Variants in GAREM1 observed in about 807,000 individuals in gnomAD.
The protein encoded by GAREM1 is GRB2-associated and regulator of MAPK protein 1.
GAREM1 carries 26 observed loss-of-function variants against 71.3 expected under a neutral mutation model. The observed-to-expected ratio is 0.36, with a 90% CI of 0.27 to 0.51. The LOEUF (loss-of-function observed/expected upper bound fraction) is 0.51, where lower values mean the gene tolerates loss of function less well. Among genes scored for constraint, GAREM1 ranks in the 20% least tolerant of loss-of-function variants. The probability of loss-of-function intolerance (pLI) is 0.95; values close to 1 mark genes in which losing one functional copy is unlikely to be tolerated. For missense variants in GAREM1, 1,026 were observed against 1,103.1 expected, an observed-to-expected ratio of 0.93 and a Z score of 0.99; for synonymous variants, 440 against 433.2, an observed-to-expected ratio of 1.02 and a Z score of -0.20.
intron 2 of GAREM1, among the ~76,000 whole-genome samples, chr18:32,386,163 C>T (rs1328782239): frequency 6.6e-6 from 1 of 152,172 alleles, no homozygotes; most frequent in East Asian, 1.9e-4. Flanking sequence ...AGGGAAAGTA[C>T]ACAAAGTGTT....
intron 2 of GAREM1, among the ~76,000 whole-genome samples, chr18:32,367,789 G>GGA: frequency 6.6e-6 from 1 of 152,114 alleles, no homozygotes; most frequent in Non-Finnish European, 1.5e-5. Context: ...AGGAGGAGAA[G>GGA]CCAAGCACCT....
intron 3 of GAREM1, among the ~76,000 whole-genome samples, chr18:32,307,992 A>T (rs2047272753): frequency 6.6e-6 from 1 of 152,156 alleles, no homozygotes; most frequent in Non-Finnish European, 1.5e-5. Context: ...AAATTTCCTG[A>T]GGTTCCTATA....
At chr18:32,441,952 G>A (rs2048742275) in intron 1 of GAREM1, among the ~76,000 whole-genome samples, 1 of 151,886 alleles carries the variant, frequency 6.6e-6, no homozygotes, top group Admixed American at 6.6e-5. Context: ...CCGTGCAGCT[G>A]AAAGCTGCTT....
chr18:32,309,615 C>CAAAA (rs11370938), intron 3 of GAREM1, among the ~76,000 whole-genome samples: 364 of 13,840 alleles, frequency 0.026, 40 homozygotes, highest in African/African-American at 0.031. Flanking sequence ...GACTCAGTCT[C>CAAAA]AAAAAAAAAA....
chr18:32,335,916 G>C (rs2047587274), intron 2 of GAREM1, among the ~76,000 whole-genome samples: 2 of 152,184 alleles, frequency 1.3e-5, no homozygotes, highest in Non-Finnish European at 2.9e-5. Flanking sequence ...GGTGGGCTGT[G>C]GAAGAGCAGA....
chr18:32,325,131 G>T (rs1280881519), intron 2 of GAREM1, among the ~76,000 whole-genome samples: 1 of 152,114 alleles, frequency 6.6e-6, no homozygotes, highest in East Asian at 1.9e-4. Context: ...GCTAATTTTT[G>T]TATTTTTAGT....
chr18:32,308,526 A>C (rs1196937258), intron 3 of GAREM1, among the ~76,000 whole-genome samples: 2 of 149,576 alleles, frequency 1.3e-5, no homozygotes, highest in Admixed American at 6.6e-5. Context: ...TCTAAAAAAA[A>C]CTTATTTTTT....
intron 1 of GAREM1, among the ~76,000 whole-genome samples, chr18:32,447,374 G>A (rs12604457): frequency 0.15 from 22,452 of 151,820 alleles, 2,022 homozygotes; most frequent in East Asian, 0.4. Flanking sequence ...TTTTACTTTC[G>A]CATATTTAAA....
chr18:32,368,350 C>T (rs934524075), intron 2 of GAREM1, among the ~76,000 whole-genome samples: 2 of 152,164 alleles, frequency 1.3e-5, no homozygotes, highest in African/African-American at 4.8e-5. Flanking sequence ...AATGAGGAGC[C>T]ATTGATCAGC....
At position 32,304,316 on chromosome 18, in the gene GAREM1, T is replaced by A. The variant is rs905122656; in HGVS notation, c.393+5877A>T. ...AGCGAGACTCTGTCTCAAAAAAAAA[T>A]AAAATAACATAAAATAAAAAATAAA... On this transcript the variant is annotated intron_variant, in intron 3 of 5. Coordinates refer to ENST00000269209, the MANE Select transcript of GAREM1 (RefSeq NM_001242409.2). Among the ~76,000 whole-genome samples, 8 of 151,326 alleles carry A rather than the reference T, an allele frequency of 5.3e-5. No homozygotes were observed. In the East Asian group the frequency reaches 5.8e-4, roughly 11 times the overall value.
chr18:32,354,721 A>G (rs182532208), intron 2 of GAREM1, among the ~76,000 whole-genome samples: 1 of 152,312 alleles, frequency 6.6e-6, no homozygotes, highest in Admixed American at 6.5e-5. Flanking sequence ...GAGGTCATGA[A>G]GCAGAGCAGT....
intron 1 of GAREM1, among the ~76,000 whole-genome samples, chr18:32,451,578 T>G (rs77332870): frequency 0.015 from 2,233 of 152,266 alleles, 46 homozygotes; most frequent in Non-Finnish European, 0.016. Flanking sequence ...TTATAATATT[T>G]CCCACTCACC....
intron 2 of GAREM1, among the ~76,000 whole-genome samples, chr18:32,337,489 C>T (rs975208079): frequency 3.8e-4 from 58 of 152,310 alleles, no homozygotes; most frequent in Admixed American, 1.3e-3. Context: ...CGCTATTACC[C>T]GGCTTATCCA....
Position 32,267,855 on chromosome 18 carries a change from G to C in GAREM1, c.*16C>G, listed in dbSNP as rs773944712. The C allele has an allele frequency of 2.5e-6, 4 of 1,597,038 alleles. No homozygotes were observed. Among genetic ancestry groups the C allele is most frequent in the African/African-American group, 1.3e-5 (1 of 74,710 alleles). On this transcript the variant is annotated 3_prime_UTR_variant, in exon 6 of 6. Transcript: ENST00000269209. ...CATTGATCAGTTTTGTTCCATGCTG[G>C]CCGGGGGTTATTTGGCTATATTTTG... is the stretch of plus-strand genomic sequence containing the variant.
At chr18:32,385,488 C>T (rs955855533) in intron 2 of GAREM1, among the ~76,000 whole-genome samples, 2 of 152,088 alleles carry the variant, frequency 1.3e-5, no homozygotes, top group African/African-American at 4.8e-5. Flanking sequence ...AGGGGCTCCC[C>T]TGGAATCTCT....
chr18:32,264,410 T>C lies in GAREM1; in HGVS notation c.*3461A>G, dbSNP rs970645170. The C allele has an allele frequency of 6.6e-6, 1 of 152,212 alleles. No individual in the cohort carries two copies. Among genetic ancestry groups the C allele is most frequent in the Non-Finnish European group, 1.5e-5 (1 of 68,038 alleles). 9.4% of individuals were successfully genotyped at this position (152,212 alleles called of 1,614,324 possible). A position where few individuals can be genotyped will look rare whatever the true frequency, so the allele number is the denominator to read the frequency against. ...TGAGTAGTGACTTATACAAAGTGTT[T>C]AGAAAATGAAGGACCCTCCATCCTT... is the stretch of plus-strand genomic sequence containing the variant. On this transcript the variant is annotated 3_prime_UTR_variant, in exon 6 of 6. Coordinates refer to ENST00000269209, the MANE Select transcript of GAREM1 (RefSeq NM_001242409.2).
In GAREM1 at chr18:32,267,504, T is replaced by G. The variant is rs1237480042; in HGVS notation, c.*367A>C. On this transcript the variant is annotated 3_prime_UTR_variant, in exon 6 of 6. Transcript: ENST00000269209. ...GAAGGGACTTGTTCAAAAGTGTTTT[T>G]TTTTTTTTTTTAAAGATTTTTATGT... The G allele has an allele frequency of 2.6e-5, 4 of 156,366 alleles. No homozygotes were observed. Among genetic ancestry groups the G allele is most frequent in the African/African-American group, 4.8e-5 (2 of 41,374 alleles). The allele number at this position is 156,366 out of a possible 1,614,324, so 9.7% of individuals were successfully genotyped here. A position where few individuals can be genotyped will look rare whatever the true frequency, so the allele number is the denominator to read the frequency against.
intron 1 of GAREM1, among the ~76,000 whole-genome samples, chr18:32,426,382 G>A (rs921210444): frequency 2.0e-5 from 3 of 152,148 alleles, no homozygotes; most frequent in Non-Finnish European, 4.4e-5. Flanking sequence ...CTGGCCAACA[G>A]GCAAAGCATG....
At chr18:32,371,554 C>A (rs1433283174) in intron 2 of GAREM1, among the ~76,000 whole-genome samples, 1 of 152,060 alleles carries the variant, frequency 6.6e-6, no homozygotes, top group Non-Finnish European at 1.5e-5. Flanking sequence ...CGTGGGAGGG[C>A]TCCCAGATTT....
Sources: allele counts gnomAD v4.1 joint callset (sites outside exome capture counted in the v4.1 genomes callset), GRCh38; gene constraint gnomAD v4.1.1; transcripts MANE v1.5; gene names NCBI Gene and HGNC (gene_info 2026-07-23, HGNC 2026-07-21).